Variants in CDH13 observed in about 807,000 individuals in gnomAD.
The protein encoded by CDH13 is cadherin 13, also known as cadherin-13.
In CDH13, 24 loss-of-function variants were observed where a neutral mutation model predicts 63.8. The ratio of observed to expected loss-of-function variants is 0.38; its 90% CI spans 0.27 to 0.53. The LOEUF (loss-of-function observed/expected upper bound fraction) is 0.53, where lower values mean the gene tolerates loss of function less well. Among genes scored for constraint, CDH13 ranks in the 20% least tolerant of loss-of-function variants. CDH13 has a pLI of 0.85. For missense variants in CDH13, 1,049 were observed against 903.1 expected (o/e 1.16, Z -2.07); for synonymous variants, 503 against 355.3 (o/e 1.42, Z -4.67).
At chr16:83,198,010 T>C (rs781780193) in intron 4 of CDH13, among the ~76,000 whole-genome samples, 1 of 152,180 alleles carries the variant, frequency 6.6e-6, no homozygotes, top group Non-Finnish European at 1.5e-5. Flanking sequence ...AAAAGTCAAT[T>C]AAAATATGTT....
chr16:83,561,365 G>T (rs1016285651), intron 7 of CDH13, among the ~76,000 whole-genome samples: 1 of 147,202 alleles, frequency 6.8e-6, no homozygotes, highest in African/African-American at 2.5e-5. Context: ...GGCGGAGGTT[G>T]TGGTGAGCTG....
intron 2 of CDH13, among the ~76,000 whole-genome samples, chr16:82,940,415 G>A (rs1377213038): frequency 6.6e-6 from 1 of 152,106 alleles, no homozygotes; most frequent in African/African-American, 2.4e-5. Flanking sequence ...GTGAGGTTGA[G>A]TCCAAACCTT....
chr16:83,452,300 T>C (rs1187772462), intron 6 of CDH13, among the ~76,000 whole-genome samples: 1 of 152,224 alleles, frequency 6.6e-6, no homozygotes, highest in African/African-American at 2.4e-5. Context: ...ATCAGTTTCA[T>C]GAAACCTTGC....
At chr16:82,714,429 G>A in intron 1 of CDH13, among the ~76,000 whole-genome samples, 1 of 152,198 alleles carries the variant, frequency 6.6e-6, no homozygotes, top group Middle Eastern at 3.4e-3. Context: ...AAGAAGAAAA[G>A]AGGGTCGGGC....
chr16:83,227,744 C>G (rs541078059), intron 5 of CDH13, among the ~76,000 whole-genome samples: 3 of 152,164 alleles, frequency 2.0e-5, no homozygotes, highest in African/African-American at 7.2e-5. Flanking sequence ...AGGGGAGCAT[C>G]TGGGGACCAT....
At chr16:82,951,609 T>A (rs949540674) in intron 2 of CDH13, among the ~76,000 whole-genome samples, 3 of 152,166 alleles carry the variant, frequency 2.0e-5, no homozygotes, top group Non-Finnish European at 4.4e-5. Context: ...AGCAGGAGTT[T>A]CCTTACTGCC....
At chr16:83,406,417 T>C (rs199929098) in intron 6 of CDH13, among the ~76,000 whole-genome samples, 59 of 144,370 alleles carry the variant, frequency 4.1e-4, no homozygotes, top group Non-Finnish European at 5.2e-4. Flanking sequence ...TCTCTTTCTT[T>C]CCCCCCCCGC....
chr16:83,569,348 ATTG>A (rs1370237811), intron 7 of CDH13, among the ~76,000 whole-genome samples: 1 of 152,138 alleles, frequency 6.6e-6, no homozygotes, highest in East Asian at 1.9e-4. Flanking sequence ...TGATTGACAG[ATTG>A]TCCCTGTAAG....
At chr16:83,061,782 T>A (rs1186903877) in intron 3 of CDH13, among the ~76,000 whole-genome samples, 1 of 152,166 alleles carries the variant, frequency 6.6e-6, no homozygotes, top group Non-Finnish European at 1.5e-5. Context: ...ATACGGCACT[T>A]ATGAAGAATC....
intron 1 of CDH13, among the ~76,000 whole-genome samples, chr16:82,717,442 A>G (rs2032452946): frequency 6.9e-6 from 1 of 145,946 alleles, no homozygotes; most frequent in Non-Finnish European, 1.5e-5. Context: ...CCTAAAAAAA[A>G]AAAAAAAAAA....
At chr16:83,186,994 G>A (rs556325195) in intron 4 of CDH13, among the ~76,000 whole-genome samples, 4 of 151,188 alleles carry the variant, frequency 2.6e-5, no homozygotes, top group South Asian at 4.2e-4. Flanking sequence ...TTTTTGAGAC[G>A]GAGTCTCGCT....
intron 1 of CDH13, among the ~76,000 whole-genome samples, chr16:82,818,901 G>A (rs2037860771): frequency 6.6e-6 from 1 of 152,194 alleles, no homozygotes; most frequent in African/African-American, 2.4e-5. Flanking sequence ...AATGAGTTAT[G>A]CCTTTATAAA....
At chr16:82,989,436 C>G (rs1201593135) in intron 2 of CDH13, among the ~76,000 whole-genome samples, 1 of 152,132 alleles carries the variant, frequency 6.6e-6, no homozygotes, top group Non-Finnish European at 1.5e-5. Context: ...ATGAAGAAGC[C>G]ACATGTCCCA....
At chr16:82,803,241 G>C (rs537031389) in intron 1 of CDH13, among the ~76,000 whole-genome samples, 19 of 152,300 alleles carry the variant, frequency 1.2e-4, no homozygotes, top group African/African-American at 4.3e-4. Flanking sequence ...GCACCACAAA[G>C]ACGTGGAGAG....
intron 6 of CDH13, among the ~76,000 whole-genome samples, chr16:83,351,034 A>C (rs984495782): frequency 1.3e-5 from 2 of 152,234 alleles, no homozygotes; most frequent in Non-Finnish European, 2.9e-5. Context: ...TGGCTGGGAT[A>C]GTTGATAGTT....
chr16:83,411,337 C>T (rs1056050149), intron 6 of CDH13, among the ~76,000 whole-genome samples: 1 of 152,128 alleles, frequency 6.6e-6, no homozygotes, highest in East Asian at 1.9e-4. Flanking sequence ...TCCCACTTTT[C>T]TTTCTTTTGA....
chr16:83,070,063 A>G (rs2032321259), intron 3 of CDH13, among the ~76,000 whole-genome samples: 1 of 152,172 alleles, frequency 6.6e-6, no homozygotes. Context: ...TTCTCTAGAT[A>G]GAAAAATTGT....
chr16:82,806,802 G>A (rs945574103), intron 1 of CDH13, among the ~76,000 whole-genome samples: 1 of 152,120 alleles, frequency 6.6e-6, no homozygotes, highest in Non-Finnish European at 1.5e-5. Context: ...TGAAATTTCA[G>A]ATCCACAGAG....
chr16:83,500,504 C>T (rs1448908095), intron 7 of CDH13, among the ~76,000 whole-genome samples: 1 of 690 alleles, frequency 1.4e-3, no homozygotes. Context: ...CCTCCCCCTC[C>T]CCCTCCTCCT....
Sources: gnomAD v4.1 joint callset for allele counts (sites outside exome capture counted in the v4.1 genomes callset) on GRCh38, gnomAD v4.1.1 for gene constraint, MANE v1.5 for transcripts, NCBI Gene and HGNC (gene_info 2026-07-23, HGNC 2026-07-21) for gene names.